The following MARK4 variants were observed in gnomAD, a reference collection of about 807,000 sequenced individuals.
MARK4 encodes the protein MAP/microtubule affinity-regulating kinase 4.
Under a neutral mutation model 81.5 loss-of-function variants are expected in MARK4, and 19 were observed. The observed-to-expected ratio is 0.23, with a 90% CI of 0.16 to 0.34. MARK4 has a LOEUF of 0.34. Among genes scored for constraint, MARK4 ranks in the 10% least tolerant of loss-of-function variants. The probability of loss-of-function intolerance (pLI) is 1.00; values close to 1 mark genes in which losing one functional copy is unlikely to be tolerated. For synonymous variants in MARK4, 436 were observed against 439.0 expected (o/e 0.99, Z 0.08); for missense variants, 772 against 1,058.8 (o/e 0.73, Z 3.76).
At position 45,297,166 on chromosome 19, in the gene MARK4, C is replaced by T. The variant is rs150730699; in HGVS notation, c.1599-510C>T. Reference sequence around the variant, plus strand: ...GAGATGGAGGTCTGGCCCCTGCTGTCGACTAGGAGGGTCCGAGGGGCTGGA... The same window carrying T: ...GAGATGGAGGTCTGGCCCCTGCTGTTGACTAGGAGGGTCCGAGGGGCTGGA... On this transcript the variant is annotated intron_variant, in intron 14 of 16. Transcript: ENST00000262891. Among the ~76,000 whole-genome samples, 9 of 152,132 alleles carry T rather than the reference C, an allele frequency of 5.9e-5. No individual in the cohort carries two copies. In the East Asian group the frequency reaches 9.7e-4, roughly 16 times the overall value.
chr19:45,275,821 G>A (rs1262220783), intron 8 of MARK4, among the ~76,000 whole-genome samples: 1 of 152,218 alleles, frequency 6.6e-6, no homozygotes, highest in Non-Finnish European at 1.5e-5. Flanking sequence ...AAAGCACTTA[G>A]AACACTGCCT....
Position 45,287,536 on chromosome 19 carries a change from A to C in MARK4, c.1366A>C (p.Lys456Gln). Residue 456 changes from lysine (K) to glutamine (Q), a missense_variant, in exon 13 of 17, where the codon AAG becomes CAG. Lys to Gln is a moderately conservative substitution (Grantham distance 53, BLOSUM62 1). Coordinates refer to ENST00000262891, the MANE Select transcript of MARK4 (RefSeq NM_001199867.2). The part of the protein sequence containing the change: ...ELKEERLPGR[K>Q]ASCSTAGSGS... ...GAAGGAGGAGCGGCTGCCAGGCCGGAAGGCGAGCTGCAGCACCGCGGGGAG... is the reference window on the plus strand; with the variant it reads ...GAAGGAGGAGCGGCTGCCAGGCCGGCAGGCGAGCTGCAGCACCGCGGGGAG... 3 of 1,576,008 alleles carry C rather than the reference A, an allele frequency of 1.9e-6. No individual in the cohort carries two copies. The highest frequency in any genetic ancestry group is 2.6e-6 in the Non-Finnish European group (3 of 1,158,668).
At chr19:45,275,597 G>A (rs970440644) in intron 8 of MARK4, among the ~76,000 whole-genome samples, 1 of 152,228 alleles carries the variant, frequency 6.6e-6, no homozygotes, top group African/African-American at 2.4e-5. Flanking sequence ...GGAGGTGGCA[G>A]TGGTGGCCTG....
intron 9 of MARK4, 125 bp downstream of exon 9, chr19:45,278,167 C>A: frequency 2.2e-6 from 3 of 1,392,040 alleles, no homozygotes; most frequent in Non-Finnish European, 2.9e-6. Flanking sequence ...CGAAGATCTG[C>A]TGCTGGTGAG....
chr19:45,304,577 A>T lies in MARK4; in HGVS notation c.*1867A>T, dbSNP rs188358967. On this transcript the variant is annotated 3_prime_UTR_variant, in exon 17 of 17. Transcript: ENST00000262891. The stretch of plus-strand genomic sequence containing the variant: ...ATGGAAGTTCAGGGAACTTCAGGGA[A>T]GAGGCTTGGTCAATTCCTGAGAGCA... 17 of 152,328 alleles carry T rather than the reference A, an allele frequency of 1.1e-4. No individual in the cohort carries two copies. Among genetic ancestry groups the T allele is most frequent in the Admixed American group, 8.5e-4 (13 of 15,284 alleles). The allele number at this position is 152,328 out of a possible 1,614,324, so 9.4% of individuals were successfully genotyped here. A position where few individuals can be genotyped will look rare whatever the true frequency, so the allele number is the denominator to read the frequency against.
chr19:45,256,847 C>G (rs1325790350), intron 1 of MARK4, among the ~76,000 whole-genome samples: 1 of 152,212 alleles, frequency 6.6e-6, no homozygotes, highest in Non-Finnish European at 1.5e-5. Context: ...TTCCAACAGC[C>G]TGTGCACAAT....
At chr19:45,297,998 C>T (rs761386204) in intron 15 of MARK4, 44 bp downstream of exon 15, 73 of 1,548,000 alleles carry the variant, frequency 4.7e-5, no homozygotes, top group Middle Eastern at 3.4e-4. Context: ...GGCGGGGGGC[C>T]GATGGGACCT....
At position 45,297,800 on chromosome 19, in the gene MARK4, C is replaced by T. The variant is rs752380003; in HGVS notation, c.1723C>T (p.Arg575Trp). The change falls in exon 15 of 17, where the codon CGG (arginine) becomes TGG (tryptophan). Residue 575 changes from arginine to tryptophan, a missense_variant. Coordinates refer to ENST00000262891, the MANE Select transcript of MARK4 (RefSeq NM_001199867.2). ...CAGCACCTTCCATGGTGGCCAGGTC[C>T]GGGACCGGCGGGCAGGGGGTGGGGG... ...IRSTFHGGQV[R>W]DRRAGGGGGG... 186 of 1,373,620 alleles carry T rather than the reference C, an allele frequency of 1.4e-4. No homozygotes were observed. Among genetic ancestry groups the T allele is most frequent in the Non-Finnish European group, 1.6e-4 (167 of 1,022,422 alleles). The allele number at this position is 1,373,620 out of a possible 1,614,324, so 85.1% of individuals were successfully genotyped here. A position where few individuals can be genotyped will look rare whatever the true frequency, so the allele number is the denominator to read the frequency against.
chr19:45,258,870 G>A (rs1970343373), intron 1 of MARK4, 119 bp from the exon 2 acceptor site: 2 of 1,045,364 alleles, frequency 1.9e-6, no homozygotes, highest in East Asian at 5.2e-5. Flanking sequence ...GCTCTCTGGG[G>A]CCTGAGTTTG....
intron 6 of MARK4, 113 bp downstream of exon 6, chr19:45,265,023 G>A: frequency 9.8e-7 from 1 of 1,021,338 alleles, no homozygotes; most frequent in Non-Finnish European, 1.5e-6. Flanking sequence ...GCTTAAGTCT[G>A]GGCAGGGGTG....
Position 45,297,883 on chromosome 19 carries a change from A to G in MARK4, c.1806A>G (p.Ala602=), listed in dbSNP as rs1247461444. 1 of 1,490,506 alleles carries G rather than the reference A, an allele frequency of 6.7e-7. No homozygotes were observed. The highest frequency in any genetic ancestry group is 9.0e-7 in the Non-Finnish European group (1 of 1,112,714). The allele number at this position is 1,490,506 out of a possible 1,614,324, so 92.3% of individuals were successfully genotyped here. A position where few individuals can be genotyped will look rare whatever the true frequency, so the allele number is the denominator to read the frequency against. Residue 602 remains alanine (A), a synonymous_variant, in exon 15 of 17, where the codon GCA becomes GCG. Coordinates refer to ENST00000262891, the MANE Select transcript of MARK4 (RefSeq NM_001199867.2). ...PASPTLAHEA[A]PLPAGRPRPT... ...CTCCCACACTGGCCCATGAGGCTGC[A>G]CCCCTGCCCGCCGGGCGGCCCCGCC...
chr19:45,302,765 A>G lies in MARK4; in HGVS notation c.*55A>G. 1.3e-6 allele frequency: 2 copies of G among 1,529,726 alleles called. No individual in the cohort carries two copies. Among genetic ancestry groups the G allele is most frequent in the Non-Finnish European group, 1.7e-6 (2 of 1,143,588 alleles). 94.8% of individuals were successfully genotyped at this position (1,529,726 alleles called of 1,614,324 possible). On this transcript the variant is annotated 3_prime_UTR_variant, in exon 17 of 17. Transcript: ENST00000262891. This position sits in a 1 kb window ranked among gnomAD's most constrained non-coding sequence, Gnocchi z 4.9. Reference sequence around the variant, plus strand: ...CCTCTCCCTTGTCGCCTTCACTTCTACAGGAGGGGAAGGGGCCAGGGAGGG... The same window carrying G: ...CCTCTCCCTTGTCGCCTTCACTTCTGCAGGAGGGGAAGGGGCCAGGGAGGG...
intron 8 of MARK4, among the ~76,000 whole-genome samples, chr19:45,272,109 C>A (rs1347466199): frequency 2.0e-5 from 3 of 151,748 alleles, no homozygotes; most frequent in Non-Finnish European, 4.4e-5. Flanking sequence ...AGGCGGGAGG[C>A]TCACTTGAGC....
chr19:45,265,088 G>A (rs929552689), intron 6 of MARK4, among the ~76,000 whole-genome samples, 178 bp downstream of exon 6: 4 of 152,282 alleles, frequency 2.6e-5, no homozygotes, highest in African/African-American at 7.2e-5. Flanking sequence ...GAGGGCATCC[G>A]GATGTAGGTT....
chr19:45,263,997 T>C (rs1025483158), intron 4 of MARK4, among the ~76,000 whole-genome samples: 2 of 152,132 alleles, frequency 1.3e-5, no homozygotes, highest in Non-Finnish European at 2.9e-5. Context: ...TCATTATCAT[T>C]GGGCAGAGGC....
chr19:45,302,643 G>C lies in MARK4; in HGVS notation c.2192G>C (p.Arg731Pro). ...RPGLRGVLFR[R>P]VAGTALAFRT... ...GGCTTGCGGGGAGTTCTCTTCCGCC[G>C]TGTGGCGGGCACCGCCCTGGCCTTC... The change falls in exon 17 of 17, where the codon CGT (arginine) becomes CCT (proline). Residue 731 changes from arginine (R) to proline (P), a missense_variant. This residue lies in a region of MARK4 where 548 missense variants were observed against 624.3 expected (regional missense o/e 0.88). Transcript: ENST00000262891. This position sits in a 1 kb window ranked among gnomAD's most constrained non-coding sequence, Gnocchi z 4.9. 6.5e-7 allele frequency: 1 copy of C among 1,541,018 alleles called. No individual in the cohort carries two copies. Among genetic ancestry groups the C allele is most frequent in the Non-Finnish European group, 8.7e-7 (1 of 1,149,500 alleles).
chr19:45,301,557 CAA>C (rs10630193), intron 16 of MARK4, among the ~76,000 whole-genome samples: 40 of 49,508 alleles, frequency 8.1e-4, no homozygotes, highest in Non-Finnish European at 1.2e-3. Flanking sequence ...AACTCTGTCT[CAA>C]AAAAAAAAAA....
At chr19:45,275,995 A>T (rs1316934243) in intron 8 of MARK4, among the ~76,000 whole-genome samples, 2 of 152,050 alleles carry the variant, frequency 1.3e-5, no homozygotes, top group African/African-American at 4.8e-5. Context: ...CGCTCAATTC[A>T]TTCCTACCTG....
chr19:45,256,786 A>C (rs1026627591), intron 1 of MARK4, among the ~76,000 whole-genome samples: 17 of 152,178 alleles, frequency 1.1e-4, no homozygotes, highest in Admixed American at 4.6e-4. Flanking sequence ...GTTTTCTACA[A>C]ATTGAAGGTT....
Sources: allele counts gnomAD v4.1 joint callset (sites outside exome capture counted in the v4.1 genomes callset), GRCh38; gene constraint gnomAD v4.1.1; regional missense constraint gnomAD v4.1.1; non-coding constraint Gnocchi (gnomAD v3.1); transcripts MANE v1.5; gene names NCBI Gene and HGNC (gene_info 2026-07-23, HGNC 2026-07-21).